Variants in KCNG3 observed in about 807,000 individuals in gnomAD.
The protein encoded by KCNG3 is potassium voltage-gated channel modifier subfamily G member 3.
KCNG3 carries 15 observed loss-of-function variants against 29.0 expected under a neutral mutation model. The observed-to-expected ratio is 0.52, with a 90% CI of 0.35 to 0.80. KCNG3 has a LOEUF of 0.80. Ranked by LOEUF, KCNG3 falls within the 30% of genes least tolerant of loss-of-function variation. KCNG3 has a pLI of 0.01. For missense variants in KCNG3, 512 were observed against 605.7 expected (o/e 0.85, Z 1.62); for synonymous variants, 322 against 248.9 (o/e 1.29, Z -2.76).
intron 1 of KCNG3, among the ~76,000 whole-genome samples, chr2:42,487,017 C>T (rs1195013196): frequency 6.6e-6 from 1 of 151,694 alleles, no homozygotes; most frequent in South Asian, 2.1e-4. Context: ...ATTAGCCGGG[C>T]ATGGTGGCGG....
the KCNG3 span, among the ~76,000 whole-genome samples, chr2:42,407,413 C>T: frequency 6.6e-6 from 1 of 152,188 alleles, no homozygotes; most frequent in Non-Finnish European, 1.5e-5. Flanking sequence ...AATGTTCCTC[C>T]CACCTTGGTG....
At chr2:42,489,506 T>A (rs1435879790) in intron 1 of KCNG3, among the ~76,000 whole-genome samples, 1 of 152,226 alleles carries the variant, frequency 6.6e-6, no homozygotes, top group South Asian at 2.1e-4. Flanking sequence ...TATGTTTATA[T>A]GAAAATATAA....
intron 1 of KCNG3, among the ~76,000 whole-genome samples, chr2:42,466,652 G>A (rs1245644130): frequency 1.3e-5 from 2 of 151,952 alleles, no homozygotes; most frequent in African/African-American, 4.8e-5. Context: ...TGCGACACAC[G>A]ACTGTGTACT....
the KCNG3 span, among the ~76,000 whole-genome samples, chr2:42,419,219 CTTTTTT>C: frequency 3.2e-4 from 9 of 27,736 alleles, no homozygotes; most frequent in South Asian, 1.8e-3. Context: ...GATGGTATCT[CTTTTTT>C]TTTTTTTTTT....
chr2:42,483,147 GTTCT>G (rs957504160), intron 1 of KCNG3, among the ~76,000 whole-genome samples: 3 of 151,922 alleles, frequency 2.0e-5, no homozygotes, highest in Admixed American at 1.3e-4. Flanking sequence ...AAAAACAGCT[GTTCT>G]ATTTTTTTAA....
chr2:42,452,268 CAG>C (rs1169328204), intron 1 of KCNG3, among the ~76,000 whole-genome samples: 28 of 90,610 alleles, frequency 3.1e-4, no homozygotes, highest in Admixed American at 6.0e-4. Context: ...TTAAAGGAAA[CAG>C]AATTTTGCTC....
At chr2:42,408,807 C>T in the KCNG3 span, among the ~76,000 whole-genome samples, 3 of 152,308 alleles carry the variant, frequency 2.0e-5, no homozygotes, top group Non-Finnish European at 2.9e-5. Flanking sequence ...TTGCTCACCA[C>T]GTTGCTGGTG....
chr2:42,468,737 G>A (rs1673205845), intron 1 of KCNG3, among the ~76,000 whole-genome samples: 1 of 151,856 alleles, frequency 6.6e-6, no homozygotes, highest in South Asian at 2.1e-4. Flanking sequence ...AGTGGATCAC[G>A]AAGTCAGGAG....
chr2:42,489,276 G>A (rs959463851), intron 1 of KCNG3, among the ~76,000 whole-genome samples: 1 of 152,084 alleles, frequency 6.6e-6, no homozygotes, highest in African/African-American at 2.4e-5. Flanking sequence ...TGTGGTCCCA[G>A]CTACTCCACA....
chr2:42,425,270 G>A, the KCNG3 span, among the ~76,000 whole-genome samples: 299 of 151,720 alleles, frequency 2.0e-3, 1 homozygote, highest in Non-Finnish European at 3.0e-3. Context: ...GCGTGGTGGC[G>A]CGCCTGTAGT....
At chr2:42,489,657 T>C (rs1041699903) in intron 1 of KCNG3, among the ~76,000 whole-genome samples, 2 of 151,968 alleles carry the variant, frequency 1.3e-5, no homozygotes, top group Non-Finnish European at 2.9e-5. Flanking sequence ...GAATTGGGCT[T>C]GATGAATAAT....
At chr2:42,435,096 A>T in the KCNG3 span, among the ~76,000 whole-genome samples, 1 of 152,146 alleles carries the variant, frequency 6.6e-6, no homozygotes. Context: ...TGAGGTCAGG[A>T]GTTCAAGACC....
intron 1 of KCNG3, among the ~76,000 whole-genome samples, chr2:42,447,276 A>G (rs1344470146): frequency 1.3e-5 from 2 of 150,940 alleles, no homozygotes; most frequent in African/African-American, 2.4e-5. Context: ...ACATGTATAT[A>G]TATATACATA....
chr2:42,472,031 T>C (rs1420907737), intron 1 of KCNG3, among the ~76,000 whole-genome samples: 1 of 152,150 alleles, frequency 6.6e-6, no homozygotes, highest in Non-Finnish European at 1.5e-5. Context: ...CTGTTAAGAA[T>C]ATAAATCAGT....
chr2:42,481,202 G>T (rs112415070), intron 1 of KCNG3, among the ~76,000 whole-genome samples: 2 of 152,220 alleles, frequency 1.3e-5, no homozygotes, highest in African/African-American at 4.8e-5. Flanking sequence ...AACAAAGTGT[G>T]TGGGGGATGA....
chr2:42,405,605 AT>A, the KCNG3 span, among the ~76,000 whole-genome samples: 22 of 143,544 alleles, frequency 1.5e-4, no homozygotes, highest in Middle Eastern at 3.8e-3. Context: ...CATGTGACTA[AT>A]TTTTTTTTTT....
Position 42,469,158 on chromosome 2 carries a change from C to T in KCNG3, c.665+23679G>A, listed in dbSNP as rs142532714. On this transcript the variant is annotated intron_variant, in intron 1 of 1. Transcript: ENST00000306078. ...GGCAGGCCGGGCGCAGTGGCTCACA[C>T]TTGTAATCCCAGCACTTTGGGAGGC... Among the ~76,000 whole-genome samples the T allele has an allele frequency of 2.0e-3, 307 of 152,074 alleles. 5 individuals carry two copies. In the East Asian group the frequency reaches 0.051, roughly 25 times the overall value.
In KCNG3 at chr2:42,478,161, A is replaced by G. The variant is rs147941529; in HGVS notation, c.665+14676T>C. 6.4e-3 allele frequency among the ~76,000 whole-genome samples: 980 copies of G among 152,212 alleles called. 15 individuals carry two copies. The highest frequency in any genetic ancestry group is 0.023 in the African/African-American group (939 of 41,538). On this transcript the variant is annotated intron_variant, in intron 1 of 1. Transcript: ENST00000306078. ...CTTTTGCGGCTCAGGACCCCTTTAC[A>G]CTCAACTCCTGAGGATCTAAAGGAG...
At chr2:42,449,929 T>G (rs1672707758) in intron 1 of KCNG3, among the ~76,000 whole-genome samples, 1 of 152,176 alleles carries the variant, frequency 6.6e-6, no homozygotes. Flanking sequence ...GTCTCTTATC[T>G]AGCCAGACAC....
Sources: gnomAD v4.1 joint callset for allele counts (sites outside exome capture counted in the v4.1 genomes callset) on GRCh38, gnomAD v4.1.1 for gene constraint, MANE v1.5 for transcripts, NCBI Gene and HGNC (gene_info 2026-07-23, HGNC 2026-07-21) for gene names.